GRM1: variants seen among roughly 807,000 people sequenced by gnomAD.
GRM1 encodes metabotropic glutamate receptor 1.
GRM1 carries 33 observed loss-of-function variants against 90.9 expected under a neutral mutation model. That is an observed-to-expected ratio of 0.36 (90% CI 0.28 to 0.49). The LOEUF is 0.49. Among genes scored for constraint, GRM1 ranks in the 20% least tolerant of loss-of-function variants. GRM1 has a pLI of 0.99. For synonymous variants in GRM1, 700 were observed against 613.2 expected (o/e 1.14, Z -2.09); for missense variants, 1,190 against 1,534.3 (o/e 0.78, Z 3.75).
intron 1 of GRM1, among the ~76,000 whole-genome samples, chr6:146,097,279 T>C (rs1776905026): frequency 6.6e-6 from 1 of 152,166 alleles, no homozygotes; most frequent in East Asian, 1.9e-4. Flanking sequence ...TTTAAAATAT[T>C]GCTTTATTTT....
intron 1 of GRM1, among the ~76,000 whole-genome samples, chr6:146,104,734 CA>C (rs2128871626): frequency 6.6e-6 from 1 of 152,278 alleles, no homozygotes; most frequent in African/African-American, 2.4e-5. Flanking sequence ...AATGAACACA[CA>C]AGTGGGGATA....
At chr6:146,028,812 T>A (rs1456402242), upstream of GRM1, among the ~76,000 whole-genome samples, 2 of 152,176 alleles carry the variant, frequency 1.3e-5, no homozygotes, top group Non-Finnish European at 2.9e-5. Context: ...TTCCAAATTT[T>A]CTTCTGAAAA....
chr6:146,167,048 C>T (rs1449755488), intron 2 of GRM1, among the ~76,000 whole-genome samples: 1 of 152,092 alleles, frequency 6.6e-6, no homozygotes, highest in African/African-American at 2.4e-5. Flanking sequence ...TTAGTACCGC[C>T]TTGCAGTCTC....
chr6:146,109,784 C>T (rs916704781), intron 1 of GRM1, among the ~76,000 whole-genome samples: 8 of 152,182 alleles, frequency 5.3e-5, no homozygotes, highest in Non-Finnish European at 7.3e-5. Flanking sequence ...GGTGGAGCTG[C>T]CCAAGACCAT....
In GRM1 at chr6:146,049,455, T is replaced by C. The variant is rs116031122; in HGVS notation, c.700+19238T>C. ...CTTTGAACTCCAGGACTTGCATCAG[T>C]AGCTGCCTAGATTCTTAGGCCTTTG... On this transcript the variant is annotated intron_variant, in intron 1 of 7. Coordinates refer to ENST00000282753, the MANE Select transcript of GRM1 (RefSeq NM_001278064.2). 4.7e-3 allele frequency among the ~76,000 whole-genome samples: 719 copies of C among 152,122 alleles called. 7 individuals are homozygous for C. Among genetic ancestry groups the C allele is most frequent in the African/African-American group, 0.016 (669 of 41,544 alleles).
intron 7 of GRM1, among the ~76,000 whole-genome samples, chr6:146,408,522 G>A (rs759271892): frequency 1.3e-4 from 20 of 152,130 alleles, no homozygotes; most frequent in Non-Finnish European, 2.6e-4. Context: ...ATAATTGTTA[G>A]CCCGTGACAT....
chr6:146,140,517 C>T (rs910246501), intron 1 of GRM1, among the ~76,000 whole-genome samples: 11 of 152,268 alleles, frequency 7.2e-5, no homozygotes, highest in African/African-American at 2.4e-4. Flanking sequence ...GATCCACCCA[C>T]CTCAGCCTCC....
chr6:146,150,527 C>A (rs140977208), intron 1 of GRM1, among the ~76,000 whole-genome samples: 1,856 of 152,188 alleles, frequency 0.012, 77 homozygotes, highest in East Asian at 0.092. Context: ...TTGGGATATT[C>A]GTCACTTCAA....
chr6:146,420,345 G>T (rs1777948282), intron 7 of GRM1, among the ~76,000 whole-genome samples: 1 of 152,194 alleles, frequency 6.6e-6, no homozygotes, highest in Non-Finnish European at 1.5e-5. Context: ...TCTTTAAAAA[G>T]CAGGGAACGT....
chr6:146,187,698 C>T (rs1163095151), intron 2 of GRM1, among the ~76,000 whole-genome samples: 2 of 150,884 alleles, frequency 1.3e-5, no homozygotes, highest in African/African-American at 4.9e-5. Context: ...TATTTGCTAA[C>T]AAACAAGAAG....
chr6:146,308,365 T>A (rs1783653350), intron 3 of GRM1, among the ~76,000 whole-genome samples: 1 of 152,156 alleles, frequency 6.6e-6, no homozygotes, highest in Admixed American at 6.6e-5. Flanking sequence ...TACAATAAAA[T>A]AATACAAGTG....
At chr6:146,219,812 G>GTTTATAAGAGTTTATAAGA (rs1779995887) in intron 2 of GRM1, among the ~76,000 whole-genome samples, 2 of 152,080 alleles carry the variant, frequency 1.3e-5, no homozygotes, top group Non-Finnish European at 2.9e-5. Flanking sequence ...GAAGAATAAA[G>GTTTATAAGAGTTTATAAGA]CTAAGAGTTT....
At chr6:146,370,534 A>G (rs1344089632) in intron 5 of GRM1, among the ~76,000 whole-genome samples, 1 of 152,226 alleles carries the variant, frequency 6.6e-6, no homozygotes, top group East Asian at 1.9e-4. Context: ...AATCCATTGT[A>G]TAAGATTTTT....
chr6:146,339,454 T>G (rs1215826572), intron 3 of GRM1, among the ~76,000 whole-genome samples: 1 of 152,236 alleles, frequency 6.6e-6, no homozygotes, highest in Non-Finnish European at 1.5e-5. Flanking sequence ...TGAATTTGAC[T>G]AATATACTAA....
chr6:146,279,340 T>C (rs1782487382), intron 2 of GRM1, among the ~76,000 whole-genome samples: 1 of 152,120 alleles, frequency 6.6e-6, no homozygotes. Context: ...TATTACATAC[T>C]CTCTTTTTTT....
intron 2 of GRM1, among the ~76,000 whole-genome samples, chr6:146,241,566 T>C (rs910044682): frequency 6.6e-6 from 1 of 152,138 alleles, no homozygotes; most frequent in African/African-American, 2.4e-5. Context: ...CAGTCCCTCT[T>C]GGCTCCACTC....
chr6:146,238,548 C>T (rs1269166819), intron 2 of GRM1, among the ~76,000 whole-genome samples: 1 of 152,054 alleles, frequency 6.6e-6, no homozygotes, highest in Non-Finnish European at 1.5e-5. Flanking sequence ...GGTACGTACC[C>T]TTCAGTAGAC....
At chr6:146,426,597 C>T (rs770644459) in intron 7 of GRM1, 16 of 1,610,228 alleles carry the variant, frequency 9.9e-6, no homozygotes, top group South Asian at 8.8e-5. Context: ...AGCCAATGTC[C>T]GTCGGCACAT....
intron 2 of GRM1, among the ~76,000 whole-genome samples, chr6:146,193,605 GAAGC>G (rs1779005282): frequency 6.6e-6 from 1 of 152,126 alleles, no homozygotes. Flanking sequence ...TGGTAGGGTG[GAAGC>G]AAAAGTGTGA....
Sources: gnomAD v4.1 joint callset for allele counts (sites outside exome capture counted in the v4.1 genomes callset) on GRCh38, gnomAD v4.1.1 for gene constraint, MANE v1.5 for transcripts, NCBI Gene and HGNC (gene_info 2026-07-23, HGNC 2026-07-21) for gene names.